The following CACNA1B variants were observed in gnomAD, a reference collection of about 807,000 sequenced individuals.
CACNA1B encodes calcium voltage-gated channel subunit alpha1 B, also known as voltage-dependent N-type calcium channel subunit alpha-1B.
In CACNA1B, 70 loss-of-function variants were observed where a neutral mutation model predicts 247.2. The observed-to-expected ratio is 0.28, with a 90% CI of 0.23 to 0.35. CACNA1B has a LOEUF of 0.35. CACNA1B is among the 10% of genes least tolerant of loss of function. The pLI is 1.00. For synonymous variants in CACNA1B, 1,231 were observed against 1,294.4 expected, an observed-to-expected ratio of 0.95 and a Z score of 1.05; for missense variants, 2,367 against 3,197.4, an observed-to-expected ratio of 0.74 and a Z score of 6.26.
At chr9:138,026,206 A>G (rs539240164) in intron 20 of CACNA1B, among the ~76,000 whole-genome samples, 7 of 152,198 alleles carry the variant, frequency 4.6e-5, no homozygotes, top group Non-Finnish European at 1.0e-4. Context: ...AGGTATAACC[A>G]TGGAAGACAC....
Position 137,986,708 on chromosome 9 carries a change from C to A in CACNA1B, c.1902-74C>A. The A allele has an allele frequency of 7.1e-7, 1 of 1,416,760 alleles. No individual in the cohort carries two copies. Among genetic ancestry groups the A allele is most frequent in the Non-Finnish European group, 1.0e-6 (1 of 1,001,068 alleles). The allele number at this position is 1,416,760 out of a possible 1,614,324, so 87.8% of individuals were successfully genotyped here. ...GCAGCCTGAAGCGAGCAGGTTGAGG[C>A]CACGCTGGAGCCTGCAGGCGCTGCC... On this transcript the variant is annotated intron_variant, in intron 14 of 46. Transcript: ENST00000371372. The surrounding 1 kb of genome is among the most constrained non-coding windows in gnomAD (Gnocchi z 6.0).
intron 6 of CACNA1B, among the ~76,000 whole-genome samples, chr9:137,921,654 A>G (rs1364241118): frequency 8.0e-5 from 10 of 125,244 alleles, no homozygotes; most frequent in African/African-American, 1.3e-4. Flanking sequence ...CAGCACCACG[A>G]CCGCACAGCA....
intron 20 of CACNA1B, among the ~76,000 whole-genome samples, chr9:138,036,428 C>G (rs10867097): frequency 1.3e-5 from 2 of 152,106 alleles, no homozygotes; most frequent in East Asian, 1.9e-4. Context: ...CGTGAGCCAC[C>G]GCTCCCGGCC....
chr9:138,079,132 A>G (rs1393291580), intron 36 of CACNA1B, among the ~76,000 whole-genome samples: 1 of 152,210 alleles, frequency 6.6e-6, no homozygotes. Context: ...CCTGTTAGAC[A>G]TACAGATTCC....
intron 20 of CACNA1B, among the ~76,000 whole-genome samples, chr9:138,028,760 G>C (rs1958952173): frequency 6.6e-6 from 1 of 152,210 alleles, no homozygotes; most frequent in Non-Finnish European, 1.5e-5. Context: ...ATTCAGACTT[G>C]CTTGGTCTGA....
chr9:137,925,031 C>T (rs1261014667), intron 6 of CACNA1B, among the ~76,000 whole-genome samples: 1 of 152,206 alleles, frequency 6.6e-6, no homozygotes, highest in East Asian at 1.9e-4. Flanking sequence ...TTGTCCGACC[C>T]GTGTCTGGTT....
rs770279749 is a variant in CACNA1B, at chr9:138,105,693, C to T, written c.5320-6C>T. ...CCTGGCCCTGACCGGCCCTGCTTGT[C>T]CCTAGCGCCTGGTTCGCATGAACAT... On this transcript the variant is annotated splice_region_variant and splice_polypyrimidine_tract_variant and intron_variant, in intron 38 of 46. Transcript: ENST00000371372. The T allele has an allele frequency of 1.0e-5, 16 of 1,526,610 alleles. No individual in the cohort carries two copies. The South Asian group carries it at 1.6e-4, about 15-fold the overall frequency. 94.6% of individuals were successfully genotyped at this position (1,526,610 alleles called of 1,614,324 possible).
intron 3 of CACNA1B, among the ~76,000 whole-genome samples, chr9:137,900,219 CT>C (rs1469124116): frequency 1.3e-5 from 2 of 152,168 alleles, no homozygotes; most frequent in Admixed American, 1.3e-4. Flanking sequence ...AGGTGCCCCC[CT>C]GGTCCAGGTG....
rs745599381 is a variant in CACNA1B, at chr9:137,971,340, G to A, written c.1334-43G>A. On this transcript the variant is annotated intron_variant, in intron 10 of 46. Transcript: ENST00000371372. This position sits in a 1 kb window ranked among gnomAD's most constrained non-coding sequence, Gnocchi z 4.4. ...GGGTCCACAGGTGGGGTAGGCGGGT[G>A]CCCATTGGTCCCCACATCCTCAGTA... 10 of 1,432,550 alleles carry A rather than the reference G, an allele frequency of 7.0e-6. No individual in the cohort carries two copies. The highest frequency in any genetic ancestry group is 9.7e-6 in the Non-Finnish European group (10 of 1,032,448). 88.7% of individuals were successfully genotyped at this position (1,432,550 alleles called of 1,614,324 possible). A position where few individuals can be genotyped will look rare whatever the true frequency, so the allele number is the denominator to read the frequency against.
At chr9:137,920,895 C>T (rs954960858) in intron 6 of CACNA1B, among the ~76,000 whole-genome samples, 1 of 152,080 alleles carries the variant, frequency 6.6e-6, no homozygotes, top group Non-Finnish European at 1.5e-5. Context: ...TCGGGAGACA[C>T]GAATTTACTT....
At position 137,917,540 on chromosome 9, in the gene CACNA1B, GC is replaced by G; in HGVS notation, c.966+112del. ...CTTCTGACCTCAGAGCCTCTGCCCA[GC>G]CCTAGGCTCCTCCCTGCACCCCTAG... is the stretch of plus-strand genomic sequence containing the variant. On this transcript the variant is annotated intron_variant, in intron 6 of 46. Coordinates refer to ENST00000371372, the MANE Select transcript of CACNA1B (RefSeq NM_000718.4). The surrounding 1 kb of genome is among the most constrained non-coding windows in gnomAD (Gnocchi z 5.5). 1.1e-6 allele frequency: 1 copy of G among 936,712 alleles called. No homozygotes were observed. The highest frequency in any genetic ancestry group is 1.6e-6 in the Non-Finnish European group (1 of 612,498). The allele number at this position is 936,712 out of a possible 1,614,324, so 58.0% of individuals were successfully genotyped here.
In CACNA1B at chr9:138,078,252, C is replaced by T. The variant is rs1960396776; in HGVS notation, c.5088C>T (p.Ser1696=). Reference sequence around the variant, plus strand: ...TCGTCTCCTTCATCTTCCTGTGCTCCTTTCTGGTGAGTCCTGGGCACTGTG... The same window carrying T: ...TCGTCTCCTTCATCTTCCTGTGCTCTTTTCTGGTGAGTCCTGGGCACTGTG... ...FYFVSFIFLC[S]FLMLNLFVAV... The change falls in exon 36 of 47, where the codon TCC becomes TCT. Residue 1696 remains serine (S), a synonymous_variant. Transcript: ENST00000371372. 3.1e-6 allele frequency: 5 copies of T among 1,613,862 alleles called. No homozygotes were observed. The highest frequency in any genetic ancestry group is 1.7e-5 in the Admixed American group (1 of 60,006).
chr9:138,094,358 AGT>A (rs1434353467), intron 36 of CACNA1B, among the ~76,000 whole-genome samples: 1 of 151,342 alleles, frequency 6.6e-6, no homozygotes, highest in East Asian at 2.0e-4. Context: ...GTTGCACAAC[AGT>A]GTGAATATAC....
At chr9:137,994,401 CA>C (rs1958471965) in intron 15 of CACNA1B, among the ~76,000 whole-genome samples, 1 of 152,196 alleles carries the variant, frequency 6.6e-6, no homozygotes, top group Non-Finnish European at 1.5e-5. Flanking sequence ...AAGAGGAAGT[CA>C]AACTGTCACT....
At chr9:138,114,271 G>C in intron 40 of CACNA1B, 107 bp from the exon 41 acceptor site, 1 of 650,766 alleles carries the variant, frequency 1.5e-6, no homozygotes, top group Non-Finnish European at 2.8e-6. Flanking sequence ...AGGAGTCTTT[G>C]TGGGGGGCGA....
chr9:138,115,725 A>C, intron 42 of CACNA1B, 46 bp downstream of exon 42: 1 of 1,567,992 alleles, frequency 6.4e-7, no homozygotes, highest in Non-Finnish European at 8.7e-7. Flanking sequence ...GGAGGTCCAA[A>C]GACAGTAAAG....
In CACNA1B at chr9:137,986,666, C is replaced by A; in HGVS notation, c.1902-116C>A. The A allele has an allele frequency of 7.0e-7, 1 of 1,424,344 alleles. No homozygotes were observed. Among genetic ancestry groups the A allele is most frequent in the Non-Finnish European group, 9.9e-7 (1 of 1,010,440 alleles). 88.2% of individuals were successfully genotyped at this position (1,424,344 alleles called of 1,614,324 possible). On this transcript the variant is annotated intron_variant, in intron 14 of 46. Transcript: ENST00000371372. This position sits in a 1 kb window ranked among gnomAD's most constrained non-coding sequence, Gnocchi z 6.0. ...CCCACCAGGAAGGTCCTCAGAGGGG[C>A]CAGTGTGCAGCCATCTGCAGCCTGA...
rs199757222 is a variant in CACNA1B, at chr9:138,046,888, G to C, written c.3414-16G>C. 2 of 1,611,760 alleles carry C rather than the reference G, an allele frequency of 1.2e-6. No homozygotes were observed. The highest frequency in any genetic ancestry group is 1.1e-5 in the South Asian group (1 of 90,988). ...CGGCTGGGGGGCCTTGTGGTGATCC[G>C]TGCCTTCCCTCACAGGCTCCGCCGC... On this transcript the variant is annotated splice_polypyrimidine_tract_variant and intron_variant, in intron 21 of 46. Coordinates refer to ENST00000371372, the MANE Select transcript of CACNA1B (RefSeq NM_000718.4).
chr9:137,901,776 A>C (rs1278088139), intron 3 of CACNA1B, among the ~76,000 whole-genome samples: 2 of 145,378 alleles, frequency 1.4e-5, no homozygotes, highest in Non-Finnish European at 3.0e-5. Flanking sequence ...TGCAACCTCA[A>C]CCTCCAGGGT....
Sources: allele counts gnomAD v4.1 joint callset (sites outside exome capture counted in the v4.1 genomes callset), GRCh38; gene constraint gnomAD v4.1.1; non-coding constraint Gnocchi (gnomAD v3.1); transcripts MANE v1.5; gene names NCBI Gene and HGNC (gene_info 2026-07-23, HGNC 2026-07-21).